Variants in SYT1 observed in about 807,000 individuals in gnomAD.
SYT1 encodes synaptotagmin 1, also known as synaptotagmin-1.
In SYT1, 8 loss-of-function variants were observed where a neutral mutation model predicts 44.8. The observed-to-expected ratio is 0.18, with a 90% CI of 0.10 to 0.32. The LOEUF is 0.32. SYT1 is among the 10% of genes least tolerant of loss of function. The pLI is 1.00. For missense variants in SYT1, 286 were observed against 509.3 expected (o/e 0.56, Z 4.22); for synonymous variants, 154 against 188.8 (o/e 0.82, Z 1.51).
intron 9 of SYT1, among the ~76,000 whole-genome samples, chr12:79,378,562 C>T (rs1174350743): frequency 1.3e-5 from 2 of 152,198 alleles, no homozygotes; most frequent in Non-Finnish European, 2.9e-5. Flanking sequence ...ACAAATCTTG[C>T]TCCTGATTTG....
chr12:78,994,528 C>G (rs1461938859), intron 2 of SYT1, among the ~76,000 whole-genome samples: 3 of 84,578 alleles, frequency 3.5e-5, no homozygotes, highest in Non-Finnish European at 5.2e-5. Flanking sequence ...ATCCTTTGTT[C>G]TGAGGATTTT....
chr12:79,172,969 CAAAAAAAAAAAAA>C (rs200575966), intron 3 of SYT1, among the ~76,000 whole-genome samples: 398 of 15,654 alleles, frequency 0.025, no homozygotes, highest in Middle Eastern at 0.062. Context: ...TTCCTGCTCT[CAAAAAAAAAAAAA>C]AAAAAAAAAA....
intron 2 of SYT1, among the ~76,000 whole-genome samples, chr12:79,045,219 C>A (rs1246982261): frequency 2.0e-5 from 3 of 152,210 alleles, no homozygotes; most frequent in Admixed American, 6.5e-5. Context: ...CCTCCCCCAG[C>A]CTGGCTGCCG....
intron 9 of SYT1, among the ~76,000 whole-genome samples, chr12:79,389,671 T>G (rs1476526707): frequency 6.6e-6 from 1 of 152,220 alleles, no homozygotes; most frequent in African/African-American, 2.4e-5. Context: ...ACATTTATAT[T>G]CAGGTTTCTT....
rs377650219 is a variant in SYT1, at chr12:79,118,499, C to A, written c.-18+71137C>A. Among the ~76,000 whole-genome samples, 11 of 152,240 alleles carry A rather than the reference C, an allele frequency of 7.2e-5. 1 individual carries two copies. In the East Asian group the frequency reaches 7.7e-4, roughly 11 times the overall value. On this transcript the variant is annotated intron_variant, in intron 3 of 10. Transcript: ENST00000261205. ...GATGTAAAAACTAATGGTAGACTGT[C>A]TTTTTCTGCTTTTGTTGTTTAAAAT...
At chr12:78,962,141 TAGAG>T (rs1393955939) in intron 1 of SYT1, among the ~76,000 whole-genome samples, 2 of 151,918 alleles carry the variant, frequency 1.3e-5, no homozygotes, top group Admixed American at 1.3e-4. Context: ...TGTGCTGACA[TAGAG>T]AGTCTACACA....
intron 1 of SYT1, among the ~76,000 whole-genome samples, chr12:78,899,658 T>G (rs1875552569): frequency 6.6e-6 from 1 of 151,984 alleles, no homozygotes; most frequent in South Asian, 2.1e-4. Context: ...CTTTGAAATT[T>G]AATGTAGCGC....
chr12:79,280,533 C>T (rs1309956890), intron 4 of SYT1, among the ~76,000 whole-genome samples: 1 of 151,790 alleles, frequency 6.6e-6, no homozygotes, highest in African/African-American at 2.4e-5. Context: ...AAATGTAAGA[C>T]CCAAAACCAT....
At chr12:79,383,582 C>A (rs1884313509) in intron 9 of SYT1, among the ~76,000 whole-genome samples, 1 of 152,112 alleles carries the variant, frequency 6.6e-6, no homozygotes, top group Non-Finnish European at 1.5e-5. Context: ...TCTAACTACC[C>A]TTTATGTCCA....
At chr12:79,179,538 GA>G (rs1872368781) in intron 3 of SYT1, among the ~76,000 whole-genome samples, 2 of 30,102 alleles carry the variant, frequency 6.6e-5, no homozygotes, top group Non-Finnish European at 1.6e-4. Flanking sequence ...TATAGATATA[GA>G]TATAGAGATA....
At chr12:78,956,262 T>C (rs1291425846) in intron 1 of SYT1, among the ~76,000 whole-genome samples, 1 of 152,098 alleles carries the variant, frequency 6.6e-6, no homozygotes, top group Non-Finnish European at 1.5e-5. Context: ...ACCTGGAACA[T>C]TTTAACATAA....
At chr12:79,332,187 C>A (rs1013871696) in intron 8 of SYT1, among the ~76,000 whole-genome samples, 1 of 152,152 alleles carries the variant, frequency 6.6e-6, no homozygotes, top group African/African-American at 2.4e-5. Context: ...ACAAGATATA[C>A]CTATTTTCTT....
intron 3 of SYT1, among the ~76,000 whole-genome samples, chr12:79,158,616 G>T (rs892257237): frequency 3.3e-5 from 5 of 151,988 alleles, no homozygotes; most frequent in Admixed American, 2.6e-4. Context: ...GATGATAAAA[G>T]GCCAGGCATG....
At position 79,207,778 on chromosome 12, in the gene SYT1, A is replaced by G. The variant is rs563324252; in HGVS notation, c.-17-9725A>G. On this transcript the variant is annotated intron_variant, in intron 3 of 10. Coordinates refer to ENST00000261205, the MANE Select transcript of SYT1 (RefSeq NM_005639.3). ...AGATGGGAAAATAGCTAAATTCTTA[A>G]TATAACCAGTCTCCTTCCATCTTTA... Among the ~76,000 whole-genome samples, 5 of 152,308 alleles carry G rather than the reference A, an allele frequency of 3.3e-5. No individual in the cohort carries two copies. In the South Asian group the frequency reaches 1.0e-3, roughly 32 times the overall value.
At chr12:78,864,610 T>G (rs1001334745), upstream of SYT1, 3 of 152,120 alleles carry the variant, frequency 2.0e-5, no homozygotes, top group South Asian at 2.1e-4. Flanking sequence ...GCTGAACGGA[T>G]CCACCTATTA....
chr12:79,179,047 G>T (rs59867244), intron 3 of SYT1, among the ~76,000 whole-genome samples: 48 of 87,736 alleles, frequency 5.5e-4, no homozygotes, highest in Non-Finnish European at 7.4e-4. Context: ...TATAGATATA[G>T]ATATATAGAT....
intron 1 of SYT1, among the ~76,000 whole-genome samples, chr12:78,933,812 AGAGT>A (rs1877887358): frequency 6.6e-6 from 1 of 152,152 alleles, no homozygotes; most frequent in South Asian, 2.1e-4. Context: ...AGAGAAATAA[AGAGT>A]GAGAGAAAAG....
chr12:78,932,168 C>A (rs1877794948), intron 1 of SYT1, among the ~76,000 whole-genome samples: 1 of 152,164 alleles, frequency 6.6e-6, no homozygotes. Context: ...TCTGTAACAT[C>A]TTTAGAATAT....
chr12:79,400,492 T>A lies in SYT1; in HGVS notation c.929-43581T>A, dbSNP rs537572846. On this transcript the variant is annotated intron_variant, in intron 9 of 10. Coordinates refer to ENST00000261205, the MANE Select transcript of SYT1 (RefSeq NM_005639.3). The stretch of plus-strand genomic sequence containing the variant: ...GAAATTCCCTGCTAATCCTAGAGTG[T>A]ATCAGACGGAAACTGAAAAAGTGAC... Among the ~76,000 whole-genome samples, 20 of 152,292 alleles carry A rather than the reference T, an allele frequency of 1.3e-4. 1 individual carries two copies. The South Asian group carries it at 4.1e-3, about 32-fold the overall frequency.
Sources: gnomAD v4.1 joint callset for allele counts (sites outside exome capture counted in the v4.1 genomes callset) on GRCh38, gnomAD v4.1.1 for gene constraint, MANE v1.5 for transcripts, NCBI Gene and HGNC (gene_info 2026-07-23, HGNC 2026-07-21) for gene names.